Variants in NTRK3 observed in about 807,000 individuals in gnomAD.
NTRK3 encodes the protein NT-3 growth factor receptor.
In NTRK3, 24 loss-of-function variants were observed where a neutral mutation model predicts 91.7. The ratio of observed to expected loss-of-function variants is 0.26; its 90% CI spans 0.19 to 0.37. The LOEUF (loss-of-function observed/expected upper bound fraction) is 0.37, where lower values mean the gene tolerates loss of function less well. Ranked by LOEUF, NTRK3 falls within the 10% of genes least tolerant of loss-of-function variation. The probability of loss-of-function intolerance (pLI) is 1.00; values close to 1 mark genes in which losing one functional copy is unlikely to be tolerated. For synonymous variants in NTRK3, 483 were observed against 404.0 expected (o/e 1.20, Z -2.34); for missense variants, 880 against 1,068.9 (o/e 0.82, Z 2.46).
intron 13 of NTRK3, among the ~76,000 whole-genome samples, chr15:88,076,809 G>C (rs949336474): frequency 1.7e-4 from 26 of 152,020 alleles, no homozygotes; most frequent in African/African-American, 6.3e-4. Context: ...AAACACTTTT[G>C]AGGCTGGGTG....
chr15:88,014,737 G>A (rs1438292601), intron 14 of NTRK3, among the ~76,000 whole-genome samples: 2 of 152,104 alleles, frequency 1.3e-5, no homozygotes, highest in Non-Finnish European at 2.9e-5. Flanking sequence ...ATGCTTCCCC[G>A]CCTACCTCTC....
At chr15:87,881,323 T>TA (rs1052216658) in intron 17 of NTRK3, among the ~76,000 whole-genome samples, 24 of 152,336 alleles carry the variant, frequency 1.6e-4, no homozygotes, top group African/African-American at 5.1e-4. Context: ...AACTCATTGT[T>TA]AAAAAAACTA....
At position 88,054,670 on chromosome 15, in the gene NTRK3, A is replaced by G. The variant is rs193164959; in HGVS notation, c.1397-21625T>C. On this transcript the variant is annotated intron_variant, in intron 13 of 18. Coordinates refer to ENST00000394480, the Ensembl canonical transcript of NTRK3. ...TAACATTATGAGGGCAACCCCAGAG[A>G]TGAGGCCAAAATACTCCTGGATCTC... Among the ~76,000 whole-genome samples the G allele has an allele frequency of 2.3e-4, 35 of 152,240 alleles. No homozygotes were observed. In the East Asian group the frequency reaches 6.6e-3, roughly 29 times the overall value.
chr15:88,107,521 G>A (rs1013101966), intron 13 of NTRK3, among the ~76,000 whole-genome samples: 1 of 152,118 alleles, frequency 6.6e-6, no homozygotes. Flanking sequence ...GCTTCTGTTG[G>A]TCTAGAAGAA....
At chr15:88,020,075 G>A (rs994486784) in intron 14 of NTRK3, among the ~76,000 whole-genome samples, 5 of 152,202 alleles carry the variant, frequency 3.3e-5, no homozygotes, top group African/African-American at 7.2e-5. Flanking sequence ...CCCTAACTTC[G>A]GAGGGGACCG....
chr15:88,027,115 G>A (rs890999499), intron 14 of NTRK3, among the ~76,000 whole-genome samples: 2 of 152,008 alleles, frequency 1.3e-5, no homozygotes, highest in African/African-American at 4.8e-5. Flanking sequence ...TAGAAGTCTA[G>A]GCAACGAGAT....
chr15:88,047,155 C>T (rs1340435627), intron 13 of NTRK3, among the ~76,000 whole-genome samples: 1 of 152,182 alleles, frequency 6.6e-6, no homozygotes, highest in Non-Finnish European at 1.5e-5. Flanking sequence ...CCCATGTGCA[C>T]TCCCTGAACA....
intron 15 of NTRK3, among the ~76,000 whole-genome samples, chr15:87,937,850 T>C (rs2069444275): frequency 6.6e-6 from 1 of 151,542 alleles, no homozygotes; most frequent in African/African-American, 2.4e-5. Context: ...GTCTTTGAAG[T>C]GAAAGCAAAA....
At chr15:87,910,144 A>G (rs1056684775) in intron 17 of NTRK3, among the ~76,000 whole-genome samples, 13 of 152,202 alleles carry the variant, frequency 8.5e-5, no homozygotes, top group African/African-American at 3.1e-4. Context: ...GGCCAGGGCA[A>G]GAAATTTATA....
At chr15:87,966,125 A>G (rs2072773411) in intron 14 of NTRK3, among the ~76,000 whole-genome samples, 1 of 152,114 alleles carries the variant, frequency 6.6e-6, no homozygotes, top group Non-Finnish European at 1.5e-5. Flanking sequence ...TCCACTTGGG[A>G]ACTAGGTGTC....
intron 13 of NTRK3, among the ~76,000 whole-genome samples, chr15:88,102,850 A>T (rs539647897): frequency 5.9e-5 from 9 of 152,274 alleles, no homozygotes; most frequent in Admixed American, 5.9e-4. Flanking sequence ...GCCTGTCTCT[A>T]TTAGCTCAAA....
intron 13 of NTRK3, among the ~76,000 whole-genome samples, chr15:88,113,660 T>C (rs2051703620): frequency 6.6e-6 from 1 of 152,162 alleles, no homozygotes; most frequent in Admixed American, 6.5e-5. Flanking sequence ...GGTCTGAAAC[T>C]ATGGCCTGCA....
At chr15:88,219,850 T>TTA (rs1214770352) in intron 3 of NTRK3, among the ~76,000 whole-genome samples, 4 of 152,348 alleles carry the variant, frequency 2.6e-5, no homozygotes, top group South Asian at 4.1e-4. Context: ...ATGGGCAGCA[T>TTA]TATCCCCACT....
exon 19 of NTRK3, chr15:87,863,912 G>C (rs990793367): frequency 8.6e-6 from 2 of 231,476 alleles, no homozygotes; most frequent in East Asian, 6.1e-5. Context: ...TTATGCTAAA[G>C]AGAAAGTATA....
intron 3 of NTRK3, among the ~76,000 whole-genome samples, chr15:88,230,735 C>A (rs972963051): frequency 4.6e-5 from 7 of 152,120 alleles, no homozygotes; most frequent in African/African-American, 9.7e-5. Context: ...ACATAAAAGA[C>A]AAAACCACCC....
At chr15:87,896,257 G>T (rs1234976845) in intron 17 of NTRK3, among the ~76,000 whole-genome samples, 4 of 152,086 alleles carry the variant, frequency 2.6e-5, no homozygotes, top group Non-Finnish European at 5.9e-5. Flanking sequence ...CAAATCATGA[G>T]GTCAAGACAT....
At chr15:88,047,767 C>T (rs1354571419) in intron 13 of NTRK3, among the ~76,000 whole-genome samples, 1 of 152,166 alleles carries the variant, frequency 6.6e-6, no homozygotes, top group African/African-American at 2.4e-5. Context: ...GTCTGTTTAT[C>T]TGTTGTTCCA....
At chr15:88,092,611 G>A (rs1336852345) in intron 13 of NTRK3, among the ~76,000 whole-genome samples, 1 of 152,218 alleles carries the variant, frequency 6.6e-6, no homozygotes, top group African/African-American at 2.4e-5. Flanking sequence ...AAACTCAGTG[G>A]CTTATTCTCT....
At chr15:87,971,762 G>C (rs1029648263) in intron 14 of NTRK3, among the ~76,000 whole-genome samples, 3 of 152,206 alleles carry the variant, frequency 2.0e-5, no homozygotes, top group African/African-American at 4.8e-5. Context: ...CAGCTGCCAA[G>C]GACCATGTCA....
Sources: allele counts gnomAD v4.1 joint callset (sites outside exome capture counted in the v4.1 genomes callset), GRCh38; gene constraint gnomAD v4.1.1; transcripts MANE v1.5; gene names NCBI Gene and HGNC (gene_info 2026-07-23, HGNC 2026-07-21).